Variants in EBNA1BP2 observed in about 807,000 individuals in gnomAD.
The protein encoded by EBNA1BP2 is probable rRNA-processing protein EBP2.
EBNA1BP2 carries 36 observed loss-of-function variants against 43.5 expected under a neutral mutation model. The observed-to-expected ratio is 0.83, with a 90% confidence interval of 0.63 to 1.09. The LOEUF (loss-of-function observed/expected upper bound fraction) is 1.09, where lower values mean the gene tolerates loss of function less well. Ranked by LOEUF, EBNA1BP2 falls within the 50% of genes least tolerant of loss-of-function variation. The pLI, the probability that EBNA1BP2 is intolerant of heterozygous loss-of-function variation, is 0.00. For synonymous variants in EBNA1BP2, 127 were observed against 141.3 expected (o/e 0.90, Z 0.72); for missense variants, 332 against 379.1 (o/e 0.88, Z 1.03).
Position 43,170,877 on chromosome 1 carries a change from T to G in EBNA1BP2, c.326A>C (p.Tyr109Ser). The change falls in exon 4 of 9, where the codon TAT (tyrosine) becomes TCT (serine). Residue 109 changes from tyrosine to serine, a missense_variant and splice_region_variant. Around this residue, in one of 3 missense-constraint regions of EBNA1BP2, gnomAD observed 182 missense variants for 173.7 expected, o/e 1.05. Coordinates refer to ENST00000236051, the MANE Select transcript of EBNA1BP2 (RefSeq NM_006824.3). ...AAGCACTGCGGCCTGGGCTTGGCGA[T>G]AGCTGAGAATCGTAGGACAAAATGT... Reference protein sequence around the residue: ...EDDFQREMSFYRQAQAAVLAV... With the variant: ...EDDFQREMSFSRQAQAAVLAV... 4 of 1,567,316 alleles carry G rather than the reference T, an allele frequency of 2.6e-6. No individual in the cohort carries two copies. The highest frequency in any genetic ancestry group is 3.4e-6 in the Non-Finnish European group (4 of 1,163,130).
upstream of EBNA1BP2, chr1:43,172,563 G>GGGGTAGGGGAAA: frequency 1.3e-6 from 1 of 769,796 alleles, no homozygotes; most frequent in African/African-American, 2.2e-5. Flanking sequence ...GGAGGACCCC[G>GGGGTAGGGGAAA]GGGGAGGGGA....
chr1:43,164,450 G>T lies in EBNA1BP2; in HGVS notation c.914C>A (p.Thr305Lys), dbSNP rs1359219717. 1 of 1,614,080 alleles carries T rather than the reference G, an allele frequency of 6.2e-7. No homozygotes were observed. Among genetic ancestry groups the T allele is most frequent in the Non-Finnish European group, 8.5e-7 (1 of 1,180,048 alleles). The change falls in exon 9 of 9, where the codon ACA becomes AAA. Residue 305 changes from threonine (T) to lysine (K), a missense_variant. Physicochemically the swap from Thr to Lys is moderately conservative, Grantham distance 78. Transcript: ENST00000236051. Reference protein sequence around the residue: ...KRTREKMKNRTH With the variant: ...KRTREKMKNRKH ...TGTATTCAAAGATGCTATTTAGTGTGTTCTGTTCTTCATCTTCTCTCTTGT... is the reference window on the plus strand; with the variant it reads ...TGTATTCAAAGATGCTATTTAGTGTTTTCTGTTCTTCATCTTCTCTCTTGT...
At chr1:43,172,301 T>A (rs993328380), upstream of EBNA1BP2, 6 of 1,551,716 alleles carry the variant, frequency 3.9e-6, no homozygotes, top group Middle Eastern at 1.7e-4. Context: ...AACTTTTGAT[T>A]GGGACTTCCG....
At chr1:43,167,295 T>C in intron 5 of EBNA1BP2, 60 bp from the exon 6 acceptor site, 2 of 1,512,500 alleles carry the variant, frequency 1.3e-6, no homozygotes, top group Non-Finnish European at 1.8e-6. Context: ...AGTGTCTACA[T>C]TGTCTTAATA....
chr1:43,165,690 T>G (rs1644913599), intron 7 of EBNA1BP2, among the ~76,000 whole-genome samples: 1 of 152,096 alleles, frequency 6.6e-6, no homozygotes, highest in African/African-American at 2.4e-5. Flanking sequence ...CCCAAGCTCC[T>G]CAACAAGGCA....
chr1:43,168,779 G>A (rs1644934562), intron 5 of EBNA1BP2, among the ~76,000 whole-genome samples, 160 bp downstream of exon 5: 1 of 152,150 alleles, frequency 6.6e-6, no homozygotes, highest in Non-Finnish European at 1.5e-5. Flanking sequence ...CTCATGTCCA[G>A]GCAAGATTGT....
At chr1:43,172,395 C>A (rs957821523), upstream of EBNA1BP2, 6 of 1,551,406 alleles carry the variant, frequency 3.9e-6, no homozygotes, top group African/African-American at 2.7e-5. Flanking sequence ...TGCTTAGGAT[C>A]CCTACAGGTA....
At chr1:43,172,364 G>A (rs367612637), upstream of EBNA1BP2, 4 of 1,551,478 alleles carry the variant, frequency 2.6e-6, no homozygotes, top group African/African-American at 5.5e-5. Flanking sequence ...GAACCGCTAC[G>A]GCGTTTGAAA....
At chr1:43,172,563 G>GGGGGAGGGGAAA (rs1402095007), upstream of EBNA1BP2, 5 of 769,814 alleles carry the variant, frequency 6.5e-6, no homozygotes, top group African/African-American at 4.4e-5. Flanking sequence ...GGAGGACCCC[G>GGGGGAGGGGAAA]GGGGAGGGGA....
chr1:43,172,555 A>T, upstream of EBNA1BP2: 1 of 602,348 alleles, frequency 1.7e-6, no homozygotes, highest in Non-Finnish European at 2.4e-6. Flanking sequence ...GGCGCGGAGG[A>T]GGACCCCGGG....
At chr1:43,171,993 T>G in intron 1 of EBNA1BP2, 24 bp from the exon 2 acceptor site, 1 of 1,614,094 alleles carries the variant, frequency 6.2e-7, no homozygotes. Context: ...TCACGGTCAC[T>G]CCCAGGGGTG....
rs1325335875 is a variant in EBNA1BP2, at chr1:43,172,176, C to T, written c.-58G>A. 6.8e-6 allele frequency: 11 copies of T among 1,610,704 alleles called. No homozygotes were observed. Among genetic ancestry groups the T allele is most frequent in the Non-Finnish European group, 9.3e-6 (11 of 1,178,398 alleles). Reference sequence around the variant, plus strand: ...GAAACGGGGTATCCCGAGACCCAAGCGGCTAGCAGAGGGCGGCCCTGGCCG... The same window carrying T: ...GAAACGGGGTATCCCGAGACCCAAGTGGCTAGCAGAGGGCGGCCCTGGCCG... On this transcript the variant is annotated 5_prime_UTR_variant, in exon 1 of 9. Coordinates refer to ENST00000236051, the MANE Select transcript of EBNA1BP2 (RefSeq NM_006824.3).
intron 6 of EBNA1BP2, 87 bp downstream of exon 6, chr1:43,167,073 T>A: frequency 6.6e-7 from 1 of 1,524,516 alleles, no homozygotes; most frequent in South Asian, 1.1e-5. Context: ...CAGGTCCACA[T>A]CAACCAAGAA....
At chr1:43,171,847 C>T in intron 2 of EBNA1BP2, 39 bp downstream of exon 2, 1 of 1,609,950 alleles carries the variant, frequency 6.2e-7, no homozygotes, top group East Asian at 2.2e-5. Context: ...TGAAGCGCAT[C>T]CCATGTCCGA....
intron 6 of EBNA1BP2, 96 bp from the exon 7 acceptor site, chr1:43,167,015 A>G (rs1312554402): frequency 1.3e-6 from 2 of 1,501,544 alleles, no homozygotes; most frequent in Non-Finnish European, 9.2e-7. Flanking sequence ...CACTGATTTT[A>G]AGAGTCACAT....
In EBNA1BP2 at chr1:43,171,667, A is replaced by G; in HGVS notation, c.151-16T>C. The G allele has an allele frequency of 1.9e-6, 3 of 1,611,110 alleles. No individual in the cohort carries two copies. The highest frequency in any genetic ancestry group is 2.5e-6 in the Non-Finnish European group (3 of 1,178,688). ...TCAGGCCATTCTAGGAAATCCAGACACTGAGCTCACAAGAAGGGAACTCTG... is the reference window on the plus strand; with the variant it reads ...TCAGGCCATTCTAGGAAATCCAGACGCTGAGCTCACAAGAAGGGAACTCTG... On this transcript the variant is annotated splice_polypyrimidine_tract_variant and intron_variant, in intron 2 of 8. Coordinates refer to ENST00000236051, the MANE Select transcript of EBNA1BP2 (RefSeq NM_006824.3).
intron 3 of EBNA1BP2, 119 bp downstream of exon 3, chr1:43,171,360 A>T (rs1449958500): frequency 2.3e-6 from 3 of 1,283,842 alleles, no homozygotes; most frequent in Non-Finnish European, 3.1e-6. Flanking sequence ...TTCTTAGTCA[A>T]AAGAAGCCGC....
At chr1:43,171,347 C>A in intron 3 of EBNA1BP2, 132 bp downstream of exon 3, 1 of 1,114,126 alleles carries the variant, frequency 9.0e-7, no homozygotes, top group Non-Finnish European at 1.2e-6. Flanking sequence ...AATCTCCTAG[C>A]TATTCTTAGT....
Position 43,166,841 on chromosome 1 carries a change from T to C in EBNA1BP2, c.692A>G (p.Gln231Arg), listed in dbSNP as rs1459377666. Residue 231 changes from glutamine (Q) to arginine (R), a missense_variant, in exon 7 of 9, where the codon CAG (glutamine) becomes CGG (arginine). By Grantham distance (43) the Gln-to-Arg change is conservative. Coordinates refer to ENST00000236051, the MANE Select transcript of EBNA1BP2 (RefSeq NM_006824.3). Reference sequence around the variant, plus strand: ...CCCTTCTCACCCCTTCCTCATCTGCTGGCCTTTGGCTCCTGCCTTCTTGCG... The same window carrying C: ...CCCTTCTCACCCCTTCCTCATCTGCCGGCCTTTGGCTCCTGCCTTCTTGCG... ...AQRKKAGAKGQQMRKGPSAKR... is the reference protein window; with the variant it reads ...AQRKKAGAKGRQMRKGPSAKR... The C allele has an allele frequency of 5.6e-6, 9 of 1,611,586 alleles. No individual in the cohort carries two copies. Among genetic ancestry groups the C allele is most frequent in the Non-Finnish European group, 7.6e-6 (9 of 1,179,336 alleles).
Sources: gnomAD v4.1 joint callset for allele counts (sites outside exome capture counted in the v4.1 genomes callset) on GRCh38, gnomAD v4.1.1 for gene constraint, gnomAD v4.1.1 regional missense constraint, MANE v1.5 for transcripts, NCBI Gene and HGNC (gene_info 2026-07-23, HGNC 2026-07-21) for gene names.